Variants in PTDSS2 observed in about 807,000 individuals in gnomAD.
PTDSS2 encodes the protein PSS-2.
A neutral mutation model predicts 64.7 loss-of-function variants in PTDSS2; 41 were observed. The ratio of observed to expected loss-of-function variants is 0.63; its 90% CI spans 0.49 to 0.82. The LOEUF (loss-of-function observed/expected upper bound fraction) is 0.82. Ranked by LOEUF, PTDSS2 falls within the 40% of genes least tolerant of loss-of-function variation. PTDSS2 has a pLI of 0.00. For missense variants in PTDSS2, 485 were observed against 650.0 expected (o/e 0.75, Z 2.76); for synonymous variants, 297 against 277.8 (o/e 1.07, Z -0.69).
In PTDSS2 at chr11:487,405, C is replaced by A. The variant is rs201984267; in HGVS notation, c.571-15C>A. ...CTGTGCCCCAGGGTCAAGGGTCATA[C>A]CCTGTCGCCCACAGGACAAGTTGGA... On this transcript the variant is annotated splice_polypyrimidine_tract_variant and intron_variant, in intron 5 of 11. Transcript: ENST00000308020. 1.2e-6 allele frequency: 2 copies of A among 1,613,376 alleles called. No homozygotes were observed. The highest frequency in any genetic ancestry group is 3.3e-5 in the Admixed American group (2 of 60,000).
At chr11:467,237 A>C (rs1847185341) in intron 2 of PTDSS2, among the ~76,000 whole-genome samples, 1 of 152,136 alleles carries the variant, frequency 6.6e-6, no homozygotes, top group South Asian at 2.1e-4. Flanking sequence ...GATGTTCACC[A>C]GGGAAGTTAT....
Position 486,856 on chromosome 11 carries a change from AAAAT to A in PTDSS2, c.436-75_436-72del, listed in dbSNP as rs1292247333. 31 of 1,496,870 alleles carry A rather than the reference AAAAT, an allele frequency of 2.1e-5. No homozygotes were observed. In the East Asian group the frequency reaches 3.3e-4, roughly 16 times the overall value. The allele number at this position is 1,496,870 out of a possible 1,614,324, so 92.7% of individuals were successfully genotyped here. A position where few individuals can be genotyped will look rare whatever the true frequency, so the allele number is the denominator to read the frequency against. ...GAGCGAGACTCCATCTCAAAAAAAT[AAAAT>A]AAATAAACAACCATGATCTCCCGTT... On this transcript the variant is annotated intron_variant, in intron 4 of 11. Coordinates refer to ENST00000308020, the MANE Select transcript of PTDSS2 (RefSeq NM_030783.3).
Position 479,258 on chromosome 11 carries a change from G to A in PTDSS2, c.435+106G>A, listed in dbSNP as rs1373780553. The A allele has an allele frequency of 1.0e-6, 1 of 971,144 alleles. No individual in the cohort carries two copies. The highest frequency in any genetic ancestry group is 1.7e-6 in the Non-Finnish European group (1 of 595,582). The allele number at this position is 971,144 out of a possible 1,614,324, so 60.2% of individuals were successfully genotyped here. On this transcript the variant is annotated intron_variant, in intron 4 of 11. Coordinates refer to ENST00000308020, the MANE Select transcript of PTDSS2 (RefSeq NM_030783.3). The surrounding 1 kb of genome is among the most constrained non-coding windows in gnomAD (Gnocchi z 4.2). ...CCACACAGCCCTCGAGTGATGGGAG[G>A]AAGCAGGGCTAGACCCCCACAAAGT...
intron 1 of PTDSS2, among the ~76,000 whole-genome samples, chr11:456,507 C>G (rs544888318): frequency 6.6e-6 from 1 of 151,950 alleles, no homozygotes; most frequent in African/African-American, 2.4e-5. Flanking sequence ...TTATCCTAAC[C>G]GGGGTCATCT....
intron 1 of PTDSS2, among the ~76,000 whole-genome samples, chr11:458,354 AC>A (rs571937080): frequency 1.3e-5 from 2 of 148,192 alleles, no homozygotes; most frequent in African/African-American, 2.5e-5. Flanking sequence ...ACAGGCGCCC[AC>A]CCACCACACC....
At chr11:487,513 G>A in intron 6 of PTDSS2, 43 bp downstream of exon 6, 2 of 1,573,132 alleles carry the variant, frequency 1.3e-6, no homozygotes, top group South Asian at 2.2e-5. Flanking sequence ...CCGGTTCTGA[G>A]GCCTGCCGTG....
At chr11:457,440 ATC>A (rs1385823876) in intron 1 of PTDSS2, among the ~76,000 whole-genome samples, 2 of 151,938 alleles carry the variant, frequency 1.3e-5, no homozygotes, top group Non-Finnish European at 2.9e-5. Flanking sequence ...TTCTTTTTTT[ATC>A]TTTTGAGACG....
chr11:490,726 G>T lies in PTDSS2; in HGVS notation c.*144G>T. The T allele has an allele frequency of 1.2e-6, 1 of 801,682 alleles. No homozygotes were observed. Among genetic ancestry groups the T allele is most frequent in the East Asian group, 2.7e-5 (1 of 37,326 alleles). 49.7% of individuals were successfully genotyped at this position (801,682 alleles called of 1,614,324 possible). ...CTGTGCACCTGGCGAGGCTGAAGGCGAGGGGTGGAGGAGGCCCCAGCACAG... is the reference window on the plus strand; with the variant it reads ...CTGTGCACCTGGCGAGGCTGAAGGCTAGGGGTGGAGGAGGCCCCAGCACAG... On this transcript the variant is annotated 3_prime_UTR_variant, in exon 12 of 12. Coordinates refer to ENST00000308020, the MANE Select transcript of PTDSS2 (RefSeq NM_030783.3).
intron 1 of PTDSS2, among the ~76,000 whole-genome samples, chr11:454,633 G>A (rs761644385): frequency 1.3e-5 from 2 of 151,966 alleles, no homozygotes; most frequent in Non-Finnish European, 2.9e-5. Flanking sequence ...GGTGAAACCC[G>A]GTCTCTACTA....
At chr11:450,742 G>T in intron 1 of PTDSS2, 105 bp downstream of exon 1, 1 of 1,010,844 alleles carries the variant, frequency 9.9e-7, no homozygotes, top group Non-Finnish European at 1.3e-6. Flanking sequence ...CCGTCTTGGA[G>T]TCCAGGACTG....
Position 479,015 on chromosome 11 carries a change from G to A in PTDSS2, c.368-70G>A, listed in dbSNP as rs925424216. On this transcript the variant is annotated intron_variant, in intron 3 of 11. Coordinates refer to ENST00000308020, the MANE Select transcript of PTDSS2 (RefSeq NM_030783.3). The surrounding 1 kb of genome is among the most constrained non-coding windows in gnomAD (Gnocchi z 4.2). ...ACTGGGTGTGAAGGAGCCAGGAGCC[G>A]GCCTGGGGCTGAGCGGGGCCGTGGA... is the stretch of plus-strand genomic sequence containing the variant. 1.2e-5 allele frequency: 16 copies of A among 1,327,094 alleles called. No homozygotes were observed. Among genetic ancestry groups the A allele is most frequent in the East Asian group, 2.3e-5 (1 of 43,498 alleles). 82.2% of individuals were successfully genotyped at this position (1,327,094 alleles called of 1,614,324 possible).
rs868547861 is a variant in PTDSS2, at chr11:475,148, C to G, written c.367+1171C>G. Among the ~76,000 whole-genome samples the G allele has an allele frequency of 3.7e-5, 5 of 135,210 alleles. No individual in the cohort carries two copies. The East Asian group carries it at 1.1e-3, about 30-fold the overall frequency. The allele number at this position is 135,210 out of a possible 152,430, so 88.7% of individuals were successfully genotyped here. On this transcript the variant is annotated intron_variant, in intron 3 of 11. Transcript: ENST00000308020. ...GACATATTCACGCGTTTGTGTGATA[C>G]GGACATATTCACGCGTTTGTGATAC...
At chr11:484,652 T>C (rs530348659) in intron 4 of PTDSS2, among the ~76,000 whole-genome samples, 4 of 148,924 alleles carry the variant, frequency 2.7e-5, no homozygotes, top group Non-Finnish European at 4.4e-5. Context: ...GTGTGCTCAC[T>C]GTGTGCACAG....
At chr11:474,721 A>G (rs1847643888) in intron 3 of PTDSS2, among the ~76,000 whole-genome samples, 1 of 152,220 alleles carries the variant, frequency 6.6e-6, no homozygotes, top group African/African-American at 2.4e-5. Context: ...GTAATTAGAA[A>G]CATTTTCTGT....
intron 3 of PTDSS2, among the ~76,000 whole-genome samples, chr11:478,867 G>A (rs1847934529): frequency 6.6e-6 from 1 of 152,224 alleles, no homozygotes; most frequent in African/African-American, 2.4e-5. Flanking sequence ...AAAGATTTGA[G>A]TACTGGAATG....
At chr11:473,751 G>A (rs762055203) in intron 2 of PTDSS2, 144 bp from the exon 3 acceptor site, 7 of 693,188 alleles carry the variant, frequency 1.0e-5, no homozygotes, top group Admixed American at 4.6e-5. Flanking sequence ...CGGCGGAGTC[G>A]CCCAGCTCTG....
At chr11:463,514 C>T (rs1197768581) in intron 2 of PTDSS2, 1 of 151,248 alleles carries the variant, frequency 6.6e-6, no homozygotes, top group Non-Finnish European at 1.5e-5. Context: ...CCCCAAGCGC[C>T]AGAACAAACA....
intron 1 of PTDSS2, among the ~76,000 whole-genome samples, chr11:452,151 G>A (rs1012675083): frequency 2.0e-5 from 3 of 152,196 alleles, no homozygotes; most frequent in African/African-American, 7.2e-5. Flanking sequence ...GGAGCAAGGA[G>A]AACAGACGGG....
At chr11:478,302 T>C (rs75486509) in intron 3 of PTDSS2, among the ~76,000 whole-genome samples, 4 of 144,396 alleles carry the variant, frequency 2.8e-5, no homozygotes, top group South Asian at 2.2e-4. Context: ...AAAAAAAAAA[T>C]ACAAAAATTA....
Sources: gnomAD v4.1 joint callset for allele counts (sites outside exome capture counted in the v4.1 genomes callset) on GRCh38, gnomAD v4.1.1 for gene constraint, Gnocchi (gnomAD v3.1) non-coding constraint, MANE v1.5 for transcripts, NCBI Gene and HGNC (gene_info 2026-07-23, HGNC 2026-07-21) for gene names.